MAST4: variants seen among roughly 807,000 people sequenced by gnomAD.
MAST4 encodes microtubule-associated serine/threonine-protein kinase 4.
MAST4 carries 89 observed loss-of-function variants against 162.7 expected under a neutral mutation model. The ratio of observed to expected loss-of-function variants is 0.55; its 90% CI spans 0.46 to 0.65. The LOEUF (loss-of-function observed/expected upper bound fraction) is 0.65, where lower values mean the gene tolerates loss of function less well. MAST4 is among the 30% of genes least tolerant of loss of function. The pLI is 0.00. For missense variants in MAST4, 3,153 were observed against 3,374.0 expected (o/e 0.93, Z 1.62); for synonymous variants, 1,479 against 1,361.1 (o/e 1.09, Z -1.91).
intron 11 of MAST4, among the ~76,000 whole-genome samples, chr5:67,113,659 T>G (rs1766531495): frequency 6.6e-6 from 1 of 152,202 alleles, no homozygotes; most frequent in Non-Finnish European, 1.5e-5. Flanking sequence ...CATTTTTGAG[T>G]AAATATATTC....
intron 4 of MAST4, among the ~76,000 whole-genome samples, chr5:66,925,422 ACT>A (rs1764826154): frequency 6.6e-6 from 1 of 152,188 alleles, no homozygotes; most frequent in Non-Finnish European, 1.5e-5. Context: ...GCAGGAAATC[ACT>A]CTAAACAACA....
intron 4 of MAST4, among the ~76,000 whole-genome samples, chr5:66,992,287 T>C (rs553303143): frequency 6.6e-6 from 1 of 152,198 alleles, no homozygotes; most frequent in African/African-American, 2.4e-5. Flanking sequence ...TTGATAACTA[T>C]GAGGAAAATA....
At chr5:67,050,513 T>C (rs1397129941) in intron 4 of MAST4, among the ~76,000 whole-genome samples, 1 of 152,230 alleles carries the variant, frequency 6.6e-6, no homozygotes. Context: ...TCTCGGATTC[T>C]GTAGTCAGCA....
At chr5:67,072,488 T>C (rs1318941066) in intron 5 of MAST4, among the ~76,000 whole-genome samples, 1 of 152,194 alleles carries the variant, frequency 6.6e-6, no homozygotes, top group African/African-American at 2.4e-5. Context: ...TGTTAAAATC[T>C]TTCCCCATTA....
rs540997399 is a variant in MAST4, at chr5:66,602,056, A to G, written c.363+5038A>G. On this transcript the variant is annotated intron_variant, in intron 1 of 28. Coordinates refer to ENST00000403625, the MANE Select transcript of MAST4 (RefSeq NM_001164664.2). Reference sequence around the variant, plus strand: ...AATACGTGTGAAATACAATATGAAAATACATACATATGAAATACTTTTGAT... The same window carrying G: ...AATACGTGTGAAATACAATATGAAAGTACATACATATGAAATACTTTTGAT... Among the ~76,000 whole-genome samples, 4 of 152,330 alleles carry G rather than the reference A, an allele frequency of 2.6e-5. No individual in the cohort carries two copies. In the East Asian group the frequency reaches 7.7e-4, roughly 29 times the overall value.
At chr5:66,659,912 G>T (rs560021994) in intron 1 of MAST4, among the ~76,000 whole-genome samples, 1 of 152,214 alleles carries the variant, frequency 6.6e-6, no homozygotes, top group Non-Finnish European at 1.5e-5. Context: ...TGAAAGAGTG[G>T]CACTTGAAAG....
intron 4 of MAST4, among the ~76,000 whole-genome samples, chr5:66,989,749 A>G (rs1749877093): frequency 6.6e-6 from 1 of 152,218 alleles, no homozygotes; most frequent in African/African-American, 2.4e-5. Context: ...TTTTTCTAGA[A>G]TATATAAAAT....
intron 3 of MAST4, among the ~76,000 whole-genome samples, chr5:66,796,050 A>G (rs1215006600): frequency 6.6e-6 from 1 of 152,214 alleles, no homozygotes; most frequent in East Asian, 1.9e-4. Flanking sequence ...GCAGATTATT[A>G]TAGGTCAGGC....
At chr5:66,675,558 CAA>C (rs1020248337) in intron 1 of MAST4, among the ~76,000 whole-genome samples, 4 of 152,094 alleles carry the variant, frequency 2.6e-5, no homozygotes, top group Non-Finnish European at 5.9e-5. Flanking sequence ...CATCTGAATC[CAA>C]AGAGTGTTGG....
intron 1 of MAST4, among the ~76,000 whole-genome samples, chr5:66,678,011 T>C (rs1246192800): frequency 6.6e-6 from 1 of 152,164 alleles, no homozygotes; most frequent in Non-Finnish European, 1.5e-5. Context: ...TTGAGAATCT[T>C]CTTCTATAGG....
intron 10 of MAST4, among the ~76,000 whole-genome samples, chr5:67,109,760 G>A (rs1274928696): frequency 6.6e-6 from 1 of 152,148 alleles, no homozygotes; most frequent in Non-Finnish European, 1.5e-5. Context: ...TTCTTGATCA[G>A]CTTCCCACTC....
At chr5:67,089,579 A>G (rs1428163903) in intron 5 of MAST4, among the ~76,000 whole-genome samples, 1 of 152,248 alleles carries the variant, frequency 6.6e-6, no homozygotes, top group Admixed American at 6.5e-5. Flanking sequence ...ATGCTGAGAT[A>G]GATCTGGGTC....
intron 14 of MAST4, among the ~76,000 whole-genome samples, chr5:67,129,350 G>A (rs1299410898): frequency 6.6e-6 from 1 of 152,148 alleles, no homozygotes; most frequent in Non-Finnish European, 1.5e-5. Context: ...GGAAGTAAAT[G>A]TCTCTGAATT....
At chr5:66,990,164 CT>C (rs1359037678) in intron 4 of MAST4, among the ~76,000 whole-genome samples, 1 of 152,028 alleles carries the variant, frequency 6.6e-6, no homozygotes, top group Non-Finnish European at 1.5e-5. Context: ...TGTATATGGC[CT>C]TAGAAACTAT....
chr5:67,041,732 G>A (rs1470564886), intron 4 of MAST4, among the ~76,000 whole-genome samples: 1 of 152,130 alleles, frequency 6.6e-6, no homozygotes, highest in Admixed American at 6.6e-5. Context: ...AGGTTCAAGC[G>A]ATCCTTCTGC....
intron 5 of MAST4, among the ~76,000 whole-genome samples, chr5:67,069,589 C>T (rs903002109): frequency 6.6e-6 from 1 of 152,086 alleles, no homozygotes; most frequent in African/African-American, 2.4e-5. Flanking sequence ...GATATGCACT[C>T]CGCATTTCAT....
intron 3 of MAST4, among the ~76,000 whole-genome samples, chr5:66,843,558 A>G (rs1227406900): frequency 6.6e-6 from 1 of 152,166 alleles, no homozygotes; most frequent in African/African-American, 2.4e-5. Context: ...ACAGTCTTCA[A>G]TATGTGATGA....
intron 6 of MAST4, among the ~76,000 whole-genome samples, chr5:67,094,622 A>T (rs1764231688): frequency 6.6e-6 from 1 of 152,136 alleles, no homozygotes; most frequent in Admixed American, 6.5e-5. Context: ...CTTTTAAGGC[A>T]CAGTCTTGCG....
At chr5:66,716,985 C>T (rs1050429304) in intron 1 of MAST4, among the ~76,000 whole-genome samples, 2 of 152,188 alleles carry the variant, frequency 1.3e-5, no homozygotes, top group African/African-American at 4.8e-5. Flanking sequence ...CAAAGTTCTC[C>T]CTCAAGGAGC....
Sources: allele counts gnomAD v4.1 joint callset (sites outside exome capture counted in the v4.1 genomes callset), GRCh38; gene constraint gnomAD v4.1.1; transcripts MANE v1.5; gene names NCBI Gene and HGNC (gene_info 2026-07-23, HGNC 2026-07-21).